The following QRICH1 variants were observed in gnomAD, a reference collection of about 807,000 sequenced individuals.
The protein encoded by QRICH1 is transcriptional regulator QRICH1.
QRICH1 carries 16 observed loss-of-function variants against 87.1 expected under a neutral mutation model. The observed-to-expected ratio is 0.18, with a 90% CI of 0.12 to 0.28. The LOEUF is 0.28. QRICH1 is among the 10% of genes least tolerant of loss of function. QRICH1 has a pLI of 1.00. For synonymous variants in QRICH1, 367 were observed against 368.4 expected, an observed-to-expected ratio of 1.00 and a Z score of 0.05; for missense variants, 647 against 951.7, an observed-to-expected ratio of 0.68 and a Z score of 4.21.
chr3:49,080,477 CA>C (rs983674125), intron 1 of QRICH1, among the ~76,000 whole-genome samples: 1 of 151,200 alleles, frequency 6.6e-6, no homozygotes, highest in Admixed American at 6.6e-5. Flanking sequence ...CAATATCAAA[CA>C]AAACAAAAAC....
At chr3:49,086,555 A>G (rs2107035301) in intron 1 of QRICH1, among the ~76,000 whole-genome samples, 1 of 152,048 alleles carries the variant, frequency 6.6e-6, no homozygotes, top group South Asian at 2.1e-4. Flanking sequence ...GCTCCTCTGT[A>G]TTTCCTCCTA....
intron 2 of QRICH1, among the ~76,000 whole-genome samples, chr3:49,074,806 G>A (rs962101498): frequency 6.0e-5 from 9 of 151,112 alleles, no homozygotes; most frequent in East Asian, 2.0e-4. Flanking sequence ...GTGAAACCCC[G>A]TCTCTACTAA....
At chr3:49,051,593 C>CA (rs1185602480) in intron 3 of QRICH1, among the ~76,000 whole-genome samples, 1 of 139,874 alleles carries the variant, frequency 7.1e-6, no homozygotes, top group Admixed American at 7.1e-5. Context: ...CGCCCCCCCC[C>CA]CCCTCCGCTT....
chr3:49,058,041 T>G (rs2093413489), intron 2 of QRICH1, 151 bp from the exon 3 acceptor site: 1 of 1,334,088 alleles, frequency 7.5e-7, no homozygotes, highest in African/African-American at 1.5e-5. Flanking sequence ...ACACAATACG[T>G]AAGACTAGAT....
chr3:49,065,501 A>C (rs2093462877), intron 2 of QRICH1, among the ~76,000 whole-genome samples: 1 of 152,176 alleles, frequency 6.6e-6, no homozygotes, highest in African/African-American at 2.4e-5. Flanking sequence ...GAATTCTCCT[A>C]TCTGCTTCCG....
rs548350964 is a variant in QRICH1, at chr3:49,033,339, G to T, written c.1787-111C>A. 554 of 578,390 alleles carry T rather than the reference G, an allele frequency of 9.6e-4. 4 individuals are homozygous for T. The highest frequency in any genetic ancestry group is 9.6e-3 in the African/African-American group (497 of 51,906). 35.8% of individuals were successfully genotyped at this position (578,390 alleles called of 1,614,324 possible). A position where few individuals can be genotyped will look rare whatever the true frequency, so the allele number is the denominator to read the frequency against. Reference sequence around the variant, plus strand: ...CACACAGGAGTATAAATTTCATCAGGGGACTCTCCCTAAAGTGTGGCAAAA... The same window carrying T: ...CACACAGGAGTATAAATTTCATCAGTGGACTCTCCCTAAAGTGTGGCAAAA... On this transcript the variant is annotated intron_variant, in intron 6 of 9. Transcript: ENST00000395443.
chr3:49,069,269 C>T (rs1000213530), intron 2 of QRICH1, among the ~76,000 whole-genome samples: 2 of 151,072 alleles, frequency 1.3e-5, no homozygotes, highest in Non-Finnish European at 3.0e-5. Context: ...CACCTGGCTA[C>T]TTTTTTGTAT....
intron 2 of QRICH1, among the ~76,000 whole-genome samples, chr3:49,073,687 C>G (rs2041891917): frequency 6.6e-6 from 1 of 151,672 alleles, no homozygotes; most frequent in African/African-American, 2.4e-5. Context: ...CACTCTGTCA[C>G]CCAGGCTGGA....
chr3:49,060,528 C>T (rs1289994920), intron 2 of QRICH1, among the ~76,000 whole-genome samples: 1 of 151,928 alleles, frequency 6.6e-6, no homozygotes, highest in Non-Finnish European at 1.5e-5. Context: ...CGGGGTTTCA[C>T]CATGTTGGCC....
chr3:49,065,394 C>T (rs1250094126), intron 2 of QRICH1, among the ~76,000 whole-genome samples: 4 of 152,206 alleles, frequency 2.6e-5, no homozygotes, highest in Non-Finnish European at 4.4e-5. Context: ...GATCTGCCCA[C>T]CTCGGCATCC....
At chr3:49,090,321 T>C (rs2042249731) in intron 1 of QRICH1, among the ~76,000 whole-genome samples, 1 of 152,178 alleles carries the variant, frequency 6.6e-6, no homozygotes, top group South Asian at 2.1e-4. Context: ...TAGCCGGGCA[T>C]GGTGGCAGGC....
At chr3:49,072,593 G>A (rs1206547973) in intron 2 of QRICH1, among the ~76,000 whole-genome samples, 1 of 151,990 alleles carries the variant, frequency 6.6e-6, no homozygotes, top group Admixed American at 6.6e-5. Context: ...TCATTAAATG[G>A]TATTATCCTT....
intron 6 of QRICH1, among the ~76,000 whole-genome samples, chr3:49,035,921 A>C (rs568518561): frequency 3.3e-5 from 3 of 90,056 alleles, no homozygotes; most frequent in African/African-American, 1.0e-4. Context: ...CAAAAAAAAA[A>C]AAAAAAACAA....
At chr3:49,050,721 CAAA>C (rs1256693064) in intron 3 of QRICH1, among the ~76,000 whole-genome samples, 1 of 132,188 alleles carries the variant, frequency 7.6e-6, no homozygotes, top group Non-Finnish European at 1.6e-5. Context: ...ACAACAACAA[CAAA>C]AACCTATTAC....
intron 1 of QRICH1, among the ~76,000 whole-genome samples, chr3:49,082,960 A>G (rs2042092026): frequency 6.6e-6 from 1 of 150,878 alleles, no homozygotes. Context: ...AGCACTATGG[A>G]CTTTGGGGGG....
intron 1 of QRICH1, among the ~76,000 whole-genome samples, chr3:49,082,607 A>G (rs7632477): frequency 0.23 from 34,678 of 151,994 alleles, 4,917 homozygotes; most frequent in Non-Finnish European, 0.32. Flanking sequence ...AAAAAAAAGA[A>G]AAAAAAAGCC....
At chr3:49,065,355 G>C (rs1169933199) in intron 2 of QRICH1, among the ~76,000 whole-genome samples, 1 of 152,158 alleles carries the variant, frequency 6.6e-6, no homozygotes, top group African/African-American at 2.4e-5. Flanking sequence ...ATGTTGGCCA[G>C]GCTGTTCTCG....
Position 49,056,935 on chromosome 3 carries a change from G to T in QRICH1, c.1265C>A (p.Pro422Gln). The T allele has an allele frequency of 1.2e-6, 2 of 1,614,066 alleles. No individual in the cohort carries two copies. Among genetic ancestry groups the T allele is most frequent in the Non-Finnish European group, 1.7e-6 (2 of 1,179,992 alleles). The change falls in exon 3 of 10, where the codon CCG becomes CAG. Residue 422 changes from proline (P) to glutamine (Q), a missense_variant. Pro to Gln is a moderately conservative substitution (Grantham distance 76). Around this residue, in one of 7 missense-constraint regions of QRICH1, gnomAD observed 115 missense variants for 126.8 expected, o/e 0.91. Transcript: ENST00000395443. ...TVHIWDPQQQ[P>Q]QQQTPQEQTP... ...CTGTTCCTGGGGAGTTTGCTGCTGC[G>T]GCTGCTGTTGGGGGTCCCATATATG...
At position 49,078,386 on chromosome 3, in the gene QRICH1, CTTTTTTTTTTT is replaced by C. The variant is rs60933196; in HGVS notation, c.-21-1359_-21-1349del. Among the ~76,000 whole-genome samples, 172 of 69,848 alleles carry C rather than the reference CTTTTTTTTTTT, an allele frequency of 2.5e-3. 2 individuals are homozygous for C. The highest frequency in any genetic ancestry group is 7.0e-3 in the African/African-American group (126 of 18,058). The allele number at this position is 69,848 out of a possible 152,430, so 45.8% of individuals were successfully genotyped here. On this transcript the variant is annotated intron_variant, in intron 1 of 9. Transcript: ENST00000395443. ...TGTGGAAAACGAAGAATTATGGTTC[CTTTTTTTTTTT>C]TTTTTTTTTTTTTTTGAGATGGAGT...
Sources: allele counts gnomAD v4.1 joint callset (sites outside exome capture counted in the v4.1 genomes callset), GRCh38; gene constraint gnomAD v4.1.1; regional missense constraint gnomAD v4.1.1; transcripts MANE v1.5; gene names NCBI Gene and HGNC (gene_info 2026-07-23, HGNC 2026-07-21).